The following ABCC1 variants were observed in gnomAD, a reference collection of about 807,000 sequenced individuals.
ABCC1 encodes multidrug resistance-associated protein 1.
A neutral mutation model predicts 172.9 loss-of-function variants in ABCC1; 83 were observed. The ratio of observed to expected loss-of-function variants is 0.48; its 90% CI spans 0.40 to 0.58. The LOEUF (loss-of-function observed/expected upper bound fraction) is 0.58, where lower values mean the gene tolerates loss of function less well. Ranked by LOEUF, ABCC1 falls within the 20% of genes least tolerant of loss-of-function variation. The pLI is 0.00. For missense variants in ABCC1, 1,817 were observed against 2,002.7 expected, an observed-to-expected ratio of 0.91 and a Z score of 1.77; for synonymous variants, 937 against 825.2, an observed-to-expected ratio of 1.14 and a Z score of -2.32.
Position 15,949,786 on chromosome 16 carries a change from C to T in ABCC1, c.35C>T (p.Ser12Phe). The stretch of plus-strand genomic sequence containing the variant: ...CGGGGCTTCTGCAGCGCCGATGGCT[C>T]CGACCCGCTCTGGGTACGTGCCGGG... The part of the protein sequence containing the change: ...ALRGFCSADG[S>F]DPLWDWNVTW... The change falls in exon 1 of 31, where the codon TCC becomes TTC. Residue 12 changes from serine to phenylalanine, a missense_variant. Physicochemically the swap from Ser to Phe is radical, Grantham distance 155. Around this residue, in one of 3 missense-constraint regions of ABCC1, gnomAD observed 398 missense variants for 384.2 expected, o/e 1.04. Transcript: ENST00000399410. 3.3e-6 allele frequency: 4 copies of T among 1,196,832 alleles called. No homozygotes were observed. Among genetic ancestry groups the T allele is most frequent in the African/African-American group, 1.6e-5 (1 of 62,820 alleles). The allele number at this position is 1,196,832 out of a possible 1,614,324, so 74.1% of individuals were successfully genotyped here.
intron 20 of ABCC1, 26 bp from the exon 21 acceptor site, chr16:16,106,712 G>C (rs1366606318): frequency 5.6e-6 from 9 of 1,613,574 alleles, no homozygotes; most frequent in Non-Finnish European, 7.6e-6. Flanking sequence ...CTGTACGGTT[G>C]ACACCCTTGT....
At chr16:15,982,826 G>GAAAAAAAAAAAAA (rs1272269895) in intron 1 of ABCC1, among the ~76,000 whole-genome samples, 388 of 43,506 alleles carry the variant, frequency 8.9e-3, no homozygotes, top group Non-Finnish European at 0.015. Context: ...AAAAAAAAAG[G>GAAAAAAAAAAAAA]AAATCCATTC....
At chr16:16,069,806 C>G (rs1448521924) in intron 13 of ABCC1, among the ~76,000 whole-genome samples, 1 of 152,048 alleles carries the variant, frequency 6.6e-6, no homozygotes, top group Non-Finnish European at 1.5e-5. Flanking sequence ...GACAGATCAG[C>G]TGAGGTCAGG....
At chr16:16,136,334 T>C in intron 28 of ABCC1, 144 bp from the exon 29 acceptor site, 1 of 943,806 alleles carries the variant, frequency 1.1e-6, no homozygotes, top group Non-Finnish European at 1.5e-6. Context: ...TTTTTCTCCA[T>C]TATTAACATC....
chr16:15,970,334 A>C (rs998340025), intron 1 of ABCC1, among the ~76,000 whole-genome samples: 1 of 152,214 alleles, frequency 6.6e-6, no homozygotes, highest in Admixed American at 6.5e-5. Context: ...GAGGTTGCCT[A>C]CGTCTCTCCT....
At chr16:16,026,705 C>A (rs558054815) in intron 5 of ABCC1, among the ~76,000 whole-genome samples, 1 of 151,860 alleles carries the variant, frequency 6.6e-6, no homozygotes, top group Admixed American at 6.6e-5. Flanking sequence ...CAGTTGAGGT[C>A]AGGAGTTCGA....
At chr16:16,047,666 G>T (rs1482596176) in intron 9 of ABCC1, among the ~76,000 whole-genome samples, 6 of 151,954 alleles carry the variant, frequency 3.9e-5, no homozygotes, top group Admixed American at 3.9e-4. Flanking sequence ...GAATTATCTG[G>T]CTCCAGATGT....
chr16:16,117,109 G>A (rs756911641), intron 23 of ABCC1, among the ~76,000 whole-genome samples: 62 of 152,264 alleles, frequency 4.1e-4, no homozygotes, highest in Middle Eastern at 3.4e-3. Flanking sequence ...ATGGATAACC[G>A]AAACCATGTG....
chr16:16,086,838 T>TG lies in ABCC1; in HGVS notation c.2312dup (p.Gln772ProfsTer16). On this transcript the variant is annotated frameshift_variant, in exon 18 of 31. Transcript: ENST00000399410. LOFTEE classifies it high-confidence loss of function. Reference sequence around the variant, plus strand: ...TCTCTCCCCAGGGCGTGAACCTGTCTGGGGGCCAGAAGCAGCGCGTGAGCC... The same window carrying TG: ...TCTCTCCCCAGGGCGTGAACCTGTCTGGGGGGCCAGAAGCAGCGCGTGAGCC... 1 of 1,613,944 alleles carries TG rather than the reference T, an allele frequency of 6.2e-7. No individual in the cohort carries two copies. The highest frequency in any genetic ancestry group is 8.5e-7 in the Non-Finnish European group (1 of 1,180,022).
intron 14 of ABCC1, among the ~76,000 whole-genome samples, chr16:16,073,412 C>G (rs755921044): frequency 1.3e-5 from 2 of 152,174 alleles, no homozygotes; most frequent in African/African-American, 2.4e-5. Context: ...CATAGACACC[C>G]CATCACAGCC....
At chr16:16,051,894 G>A (rs968601761) in intron 10 of ABCC1, among the ~76,000 whole-genome samples, 4 of 152,148 alleles carry the variant, frequency 2.6e-5, no homozygotes, top group Admixed American at 2.6e-4. Context: ...AAAGCAATCA[G>A]GTGGTCGTGT....
chr16:16,132,336 CTAATTTTTG>C (rs1567441003), intron 27 of ABCC1, among the ~76,000 whole-genome samples: 1 of 151,434 alleles, frequency 6.6e-6, no homozygotes, highest in Non-Finnish European at 1.5e-5. Context: ...CTGCACCTGG[CTAATTTTTG>C]TATTTTTTGT....
chr16:16,093,377 G>C (rs4148359), intron 19 of ABCC1, among the ~76,000 whole-genome samples: 61,652 of 151,656 alleles, frequency 0.41, 14,814 homozygotes, highest in Non-Finnish European at 0.54. Context: ...GATAGGTTCC[G>C]CACCCCCGCC....
intron 5 of ABCC1, among the ~76,000 whole-genome samples, chr16:16,024,061 A>T (rs1253362430): frequency 6.6e-6 from 1 of 152,044 alleles, no homozygotes; most frequent in African/African-American, 2.4e-5. Context: ...TCTACTGATC[A>T]TAAAAAAATT....
At chr16:16,010,628 A>G (rs567711210) in intron 3 of ABCC1, among the ~76,000 whole-genome samples, 2 of 152,274 alleles carry the variant, frequency 1.3e-5, no homozygotes, top group East Asian at 3.9e-4. Context: ...CAAGGAAACA[A>G]CTTTATTAAT....
At chr16:16,020,035 C>T (rs1163380504) in intron 5 of ABCC1, among the ~76,000 whole-genome samples, 1 of 152,188 alleles carries the variant, frequency 6.6e-6, no homozygotes, top group Non-Finnish European at 1.5e-5. Flanking sequence ...AATTCTCCTG[C>T]CTCAGCCTCC....
At chr16:15,973,145 C>T (rs78710873) in intron 1 of ABCC1, among the ~76,000 whole-genome samples, 3,382 of 152,062 alleles carry the variant, frequency 0.022, 138 homozygotes, top group African/African-American at 0.077. Context: ...AAAGTTATCG[C>T]AAAAGGAAGT....
chr16:16,133,372 T>TTTTTAG (rs1555504065), intron 27 of ABCC1, among the ~76,000 whole-genome samples: 2,867 of 148,664 alleles, frequency 0.019, 101 homozygotes, highest in African/African-American at 0.066. Context: ...CTTGCTGTCT[T>TTTTTAG]TTTTTGTTTT....
intron 11 of ABCC1, among the ~76,000 whole-genome samples, chr16:16,054,786 T>C (rs1392498958): frequency 1.3e-5 from 2 of 152,188 alleles, no homozygotes; most frequent in Non-Finnish European, 2.9e-5. Flanking sequence ...GTTCTTGTGA[T>C]TGTTAAGTGT....
Sources: gnomAD v4.1 joint callset for allele counts (sites outside exome capture counted in the v4.1 genomes callset) on GRCh38, gnomAD v4.1.1 for gene constraint, gnomAD v4.1.1 regional missense constraint, MANE v1.5 for transcripts, NCBI Gene and HGNC (gene_info 2026-07-23, HGNC 2026-07-21) for gene names.